Variants in SPAG16 observed in about 807,000 individuals in gnomAD.
SPAG16 encodes the protein sperm-associated antigen 16 protein.
In SPAG16, 86 loss-of-function variants were observed where a neutral mutation model predicts 80.4. The observed-to-expected ratio is 1.07, with a 90% CI of 0.90 to 1.28. The LOEUF is 1.28. SPAG16 is among the 50% of genes most tolerant of loss of function. The pLI, the probability that SPAG16 is intolerant of heterozygous loss-of-function variation, is 0.00. For synonymous variants in SPAG16, 294 were observed against 265.9 expected (o/e 1.11, Z -1.03); for missense variants, 870 against 765.3 (o/e 1.14, Z -1.61).
chr2:213,887,915 G>A (rs975744037), intron 11 of SPAG16, among the ~76,000 whole-genome samples: 1 of 151,576 alleles, frequency 6.6e-6, no homozygotes, highest in African/African-American at 2.4e-5. Flanking sequence ...AGTTACTTTT[G>A]CACCAACCTA....
At chr2:213,599,067 T>C (rs2124961974) in intron 10 of SPAG16, among the ~76,000 whole-genome samples, 1 of 152,312 alleles carries the variant, frequency 6.6e-6, no homozygotes, top group South Asian at 2.1e-4. Context: ...GTTTATTTGT[T>C]CTCTTAGGAG....
chr2:214,076,818 A>G (rs2051103952), intron 13 of SPAG16, among the ~76,000 whole-genome samples: 1 of 152,104 alleles, frequency 6.6e-6, no homozygotes, highest in Admixed American at 6.6e-5. Flanking sequence ...AGGTAGAGAG[A>G]TCTAGGCTGA....
chr2:213,672,587 C>T (rs11685056), intron 10 of SPAG16, among the ~76,000 whole-genome samples: 55,225 of 151,842 alleles, frequency 0.36, 10,352 homozygotes, highest in Middle Eastern at 0.47. Flanking sequence ...TATATTTGTA[C>T]CTCTTTGCTT....
At chr2:213,288,306 A>C (rs1337067862) in intron 1 of SPAG16, among the ~76,000 whole-genome samples, 1 of 151,870 alleles carries the variant, frequency 6.6e-6, no homozygotes, top group East Asian at 1.9e-4. Context: ...AGTTTTCCTT[A>C]TTTTATTTTA....
intron 15 of SPAG16, among the ~76,000 whole-genome samples, chr2:214,405,532 A>G (rs1280236183): frequency 6.6e-6 from 1 of 152,208 alleles, no homozygotes; most frequent in Non-Finnish European, 1.5e-5. Context: ...ACAGTGGCTC[A>G]TGCCTGTAAT....
intron 10 of SPAG16, among the ~76,000 whole-genome samples, chr2:213,829,618 A>G (rs2073509724): frequency 6.6e-6 from 1 of 152,094 alleles, no homozygotes; most frequent in Non-Finnish European, 1.5e-5. Flanking sequence ...TCACACCTGA[A>G]GGCAGTGCAT....
intron 12 of SPAG16, among the ~76,000 whole-genome samples, chr2:213,989,320 A>G (rs550717982): frequency 2.6e-5 from 4 of 152,192 alleles, no homozygotes; most frequent in African/African-American, 9.6e-5. Flanking sequence ...CCTTCATTCT[A>G]TATCCCCATT....
intron 12 of SPAG16, among the ~76,000 whole-genome samples, chr2:213,963,802 G>A (rs1279669784): frequency 2.0e-5 from 3 of 151,888 alleles, no homozygotes; most frequent in Admixed American, 2.0e-4. Flanking sequence ...TACATTTTTG[G>A]TTTATAGGTT....
rs117474492 is a variant in SPAG16 at position 214,189,924 on chromosome 2, G to A, written c.1720+40658G>A. 1.3e-3 allele frequency among the ~76,000 whole-genome samples: 201 copies of A among 152,014 alleles called. 1 individual carries two copies. The highest frequency in any genetic ancestry group is 3.9e-3 in the African/African-American group (160 of 41,504). ...TAGTAAATGCCACCTGAAATTTTCC[G>A]AAATTGGGATCATACAGTTGGAAAA... On this transcript the variant is annotated intron_variant, in intron 15 of 15. Transcript: ENST00000331683.
intron 15 of SPAG16, among the ~76,000 whole-genome samples, chr2:214,360,754 A>G (rs1010080630): frequency 3.3e-5 from 5 of 151,858 alleles, no homozygotes; most frequent in African/African-American, 1.2e-4. Context: ...ATAAACTGAC[A>G]ATAGACAAAT....
At position 213,719,578 on chromosome 2, in the gene SPAG16, G is replaced by T. The variant is rs2066418906; in HGVS notation, c.1071-142907G>T. Among the ~76,000 whole-genome samples the T allele has an allele frequency of 2.0e-5, 3 of 152,180 alleles. No individual in the cohort carries two copies. In the South Asian group the frequency reaches 6.2e-4, roughly 32 times the overall value. On this transcript the variant is annotated intron_variant, in intron 10 of 15. Transcript: ENST00000331683. ...GGTGGGGCCAGATAAGAGAATAAAA[G>T]CAGGCTGCCCGAGCCAGCATTGGCA...
chr2:213,420,348 G>A (rs1037749485), intron 9 of SPAG16, among the ~76,000 whole-genome samples: 2 of 152,112 alleles, frequency 1.3e-5, no homozygotes, highest in African/African-American at 4.8e-5. Flanking sequence ...TACTTTATAT[G>A]TTGCATTTTT....
chr2:213,479,500 A>G (rs2073635182), intron 9 of SPAG16, among the ~76,000 whole-genome samples: 1 of 151,926 alleles, frequency 6.6e-6, no homozygotes, highest in South Asian at 2.1e-4. Context: ...ATTTCAGGCA[A>G]TTGGAATAAT....
intron 13 of SPAG16, among the ~76,000 whole-genome samples, chr2:214,066,912 G>A (rs1040213298): frequency 6.6e-6 from 1 of 152,134 alleles, no homozygotes; most frequent in Non-Finnish European, 1.5e-5. Context: ...AAGTTTGTCT[G>A]CATTGCAAAG....
chr2:213,581,536 G>T (rs1420795779), intron 10 of SPAG16, among the ~76,000 whole-genome samples: 4 of 151,936 alleles, frequency 2.6e-5, no homozygotes, highest in Non-Finnish European at 2.9e-5. Context: ...GGCCCTAAAT[G>T]TTCTTCAGAA....
At chr2:213,859,086 GGATAATTGCTTGAACTT>G (rs1157526235) in intron 10 of SPAG16, among the ~76,000 whole-genome samples, 7 of 143,158 alleles carry the variant, frequency 4.9e-5, no homozygotes, top group African/African-American at 1.8e-4. Context: ...GGCTAAGGCA[GGATAATTGCTTGAACTT>G]GGGAGGGGGA....
intron 11 of SPAG16, among the ~76,000 whole-genome samples, chr2:213,888,925 A>C (rs1188013650): frequency 6.6e-6 from 1 of 151,984 alleles, no homozygotes; most frequent in African/African-American, 2.4e-5. Flanking sequence ...CATAGAACTG[A>C]TATACTACTG....
In SPAG16 at chr2:214,073,535, G is replaced by A. The variant is rs146242800; in HGVS notation, c.1528-34661G>A. Among the ~76,000 whole-genome samples, 1,516 of 151,956 alleles carry A rather than the reference G, an allele frequency of 1.0e-2. 25 individuals carry two copies. The highest frequency in any genetic ancestry group is 0.034 in the African/African-American group (1,409 of 41,450). On this transcript the variant is annotated intron_variant, in intron 13 of 15. Transcript: ENST00000331683. ...CAGGCATGAGCCACCACGCCCGGCCGGATATTTTAAAAGACCTAAATATAT... is the reference window on the plus strand; with the variant it reads ...CAGGCATGAGCCACCACGCCCGGCCAGATATTTTAAAAGACCTAAATATAT...
chr2:214,027,168 A>T lies in SPAG16; in HGVS notation c.1527+13091A>T, dbSNP rs575208066. 4.6e-5 allele frequency among the ~76,000 whole-genome samples: 7 copies of T among 151,690 alleles called. No individual in the cohort carries two copies. The South Asian group carries it at 1.5e-3, about 31-fold the overall frequency. On this transcript the variant is annotated intron_variant, in intron 13 of 15. Coordinates refer to ENST00000331683, the MANE Select transcript of SPAG16 (RefSeq NM_024532.5). ...GTAATGATAAAATATTAGTATGATA[A>T]CCTTTCCAATTTTTGTATGCTATAG...
Sources: allele counts gnomAD v4.1 joint callset (sites outside exome capture counted in the v4.1 genomes callset), GRCh38; gene constraint gnomAD v4.1.1; transcripts MANE v1.5; gene names NCBI Gene and HGNC (gene_info 2026-07-23, HGNC 2026-07-21).